The following KIAA1217 variants were observed in gnomAD, a reference collection of about 807,000 sequenced individuals.
KIAA1217 encodes sickle tail protein homolog.
In KIAA1217, 88 loss-of-function variants were observed where a neutral mutation model predicts 163.9. The ratio of observed to expected loss-of-function variants is 0.54; its 90% CI spans 0.45 to 0.64. The LOEUF is 0.64. KIAA1217 is among the 30% of genes least tolerant of loss of function. The pLI, the probability that KIAA1217 is intolerant of heterozygous loss-of-function variation, is 0.00. For synonymous variants in KIAA1217, 903 were observed against 923.1 expected (o/e 0.98, Z 0.39); for missense variants, 2,372 against 2,475.0 (o/e 0.96, Z 0.88).
chr10:23,923,807 GT>G (rs1842930617), intron 1 of KIAA1217, among the ~76,000 whole-genome samples: 1 of 151,980 alleles, frequency 6.6e-6, no homozygotes, highest in Non-Finnish European at 1.5e-5. Context: ...TTTTTTGTTT[GT>G]TTTTGTTTTT....
chr10:24,209,145 C>T lies in KIAA1217; in HGVS notation c.-49C>T. 1 of 1,576,318 alleles carries T rather than the reference C, an allele frequency of 6.3e-7. No homozygotes were observed. Among genetic ancestry groups the T allele is most frequent in the South Asian group, 1.1e-5 (1 of 90,204 alleles). On this transcript the variant is annotated 5_prime_UTR_variant, in exon 1 of 21. Transcript: ENST00000376454. ...CGCTTTCTGGGAGCTTTTAGAACTG[C>T]GCTCTGAAGTTTCCAGAGAGCGAGG... is the stretch of plus-strand genomic sequence containing the variant.
intron 2 of KIAA1217, among the ~76,000 whole-genome samples, chr10:24,356,336 G>A (rs2049101649): frequency 1.3e-5 from 2 of 152,184 alleles, no homozygotes; most frequent in South Asian, 4.1e-4. Flanking sequence ...AAGTAAAACA[G>A]CATCGAATGC....
chr10:23,840,639 AC>A (rs1328400185), intron 1 of KIAA1217, among the ~76,000 whole-genome samples: 1 of 152,226 alleles, frequency 6.6e-6, no homozygotes, highest in Non-Finnish European at 1.5e-5. Flanking sequence ...TAAGAAAAAA[AC>A]ATGATTGAAT....
chr10:23,790,389 ATG>A lies in KIAA1217; in HGVS notation c.-321+95157_-321+95158del, dbSNP rs1324782307. 7.0e-4 allele frequency among the ~76,000 whole-genome samples: 78 copies of A among 112,006 alleles called. 9 individuals carry two copies. The highest frequency in any genetic ancestry group is 5.2e-4 in the Non-Finnish European group (29 of 55,738). 73.5% of individuals were successfully genotyped at this position (112,006 alleles called of 152,430 possible). A position where few individuals can be genotyped will look rare whatever the true frequency, so the allele number is the denominator to read the frequency against. ...TACATATACATATGTATATATACAT[ATG>A]TATATATACATATATACATATACAT... On this transcript the variant is annotated intron_variant, in intron 1 of 18. Coordinates refer to the KIAA1217 transcript ENST00000376462.
At chr10:24,364,279 A>G (rs1232030048) in intron 2 of KIAA1217, among the ~76,000 whole-genome samples, 1 of 152,082 alleles carries the variant, frequency 6.6e-6, no homozygotes, top group Non-Finnish European at 1.5e-5. Context: ...GCACCCAGCC[A>G]CCCGCTCTTA....
intron 3 of KIAA1217, among the ~76,000 whole-genome samples, chr10:24,392,551 T>G (rs2055125044): frequency 6.6e-6 from 1 of 152,190 alleles, no homozygotes; most frequent in Non-Finnish European, 1.5e-5. Context: ...TCTTAGCAGG[T>G]TGGGTAACTT....
chr10:24,141,416 A>G (rs1214817603), intron 2 of KIAA1217, among the ~76,000 whole-genome samples: 1 of 152,126 alleles, frequency 6.6e-6, no homozygotes, highest in Non-Finnish European at 1.5e-5. Context: ...CACAAGAAAT[A>G]TGCCGTAGCA....
upstream of KIAA1217, among the ~76,000 whole-genome samples, chr10:24,205,590 G>A (rs1014587721): frequency 6.6e-6 from 1 of 151,772 alleles, no homozygotes; most frequent in Non-Finnish European, 1.5e-5. Flanking sequence ...TGACTAACAC[G>A]GTGAAACCCC....
rs138639376 is a variant in KIAA1217 at position 23,707,767 on chromosome 10, C to G, written c.-321+12533C>G. Among the ~76,000 whole-genome samples the G allele has an allele frequency of 3.4e-4, 52 of 152,212 alleles. 1 individual carries two copies. The East Asian group carries it at 9.8e-3, about 29-fold the overall frequency. On this transcript the variant is annotated intron_variant, in intron 1 of 18. Coordinates refer to the KIAA1217 transcript ENST00000376462. ...TTTTAAAGGCAAAAATTAAAATGTC[C>G]TTGTCTGGATTCACCAGTTTTATTT...
At chr10:24,219,599 T>C (rs199873865) in intron 1 of KIAA1217, 27 bp from the exon 2 acceptor site, 13 of 1,547,358 alleles carry the variant, frequency 8.4e-6, no homozygotes, top group Non-Finnish European at 8.7e-7. Context: ...AATCATTAAT[T>C]GTGAACCGAA....
intron 6 of KIAA1217, 149 bp from the exon 7 acceptor site, chr10:24,494,351 G>A (rs2066507559): frequency 1.5e-6 from 1 of 650,384 alleles, no homozygotes; most frequent in East Asian, 2.7e-5. Context: ...AGCTAAGGAT[G>A]TGCGGCTCTT....
chr10:24,001,924 T>C (rs531029755), intron 1 of KIAA1217, among the ~76,000 whole-genome samples: 5 of 152,144 alleles, frequency 3.3e-5, no homozygotes, highest in African/African-American at 1.2e-4. Flanking sequence ...AGGCAGATAC[T>C]GGATATTCCA....
intron 2 of KIAA1217, among the ~76,000 whole-genome samples, chr10:24,134,379 A>G (rs1240778825): frequency 6.6e-6 from 1 of 152,174 alleles, no homozygotes; most frequent in Non-Finnish European, 1.5e-5. Flanking sequence ...ATTAAGGTAG[A>G]AAGTGTTGGC....
intron 2 of KIAA1217, among the ~76,000 whole-genome samples, chr10:24,341,235 A>G (rs532855834): frequency 6.6e-6 from 1 of 152,136 alleles, no homozygotes; most frequent in Non-Finnish European, 1.5e-5. Context: ...TTCTTTCTAG[A>G]GGCATTCCAC....
intron 2 of KIAA1217, among the ~76,000 whole-genome samples, chr10:24,140,164 C>T (rs1301174105): frequency 6.6e-6 from 1 of 151,916 alleles, no homozygotes; most frequent in East Asian, 1.9e-4. Flanking sequence ...TGGATACCAT[C>T]CTGGCTAACA....
intron 1 of KIAA1217, among the ~76,000 whole-genome samples, chr10:23,772,420 G>GTAA (rs1177520032): frequency 2.6e-5 from 4 of 151,892 alleles, no homozygotes; most frequent in South Asian, 4.2e-4. Flanking sequence ...AAATGGAAAG[G>GTAA]TAATAATAAT....
At chr10:23,909,539 A>G (rs1842338409) in intron 1 of KIAA1217, among the ~76,000 whole-genome samples, 1 of 152,134 alleles carries the variant, frequency 6.6e-6, no homozygotes, top group Non-Finnish European at 1.5e-5. Flanking sequence ...TTATAAAAAA[A>G]AGAAAAATGA....
At chr10:23,946,010 C>G (rs1163701874) in intron 1 of KIAA1217, among the ~76,000 whole-genome samples, 3 of 152,016 alleles carry the variant, frequency 2.0e-5, no homozygotes, top group Admixed American at 6.6e-5. Context: ...AGTTCCATGT[C>G]AATAGTATTA....
chr10:24,224,688 A>G (rs1379187600), intron 2 of KIAA1217, among the ~76,000 whole-genome samples: 1 of 152,100 alleles, frequency 6.6e-6, no homozygotes, highest in Non-Finnish European at 1.5e-5. Flanking sequence ...TACATCATGG[A>G]GCACTGAGAA....
Sources: gnomAD v4.1 joint callset for allele counts (sites outside exome capture counted in the v4.1 genomes callset) on GRCh38, gnomAD v4.1.1 for gene constraint, MANE v1.5 for transcripts, NCBI Gene and HGNC (gene_info 2026-07-23, HGNC 2026-07-21) for gene names.